The following DIP2B variants were observed in gnomAD, a reference collection of about 807,000 sequenced individuals.
The protein encoded by DIP2B is disco-interacting protein 2 homolog B.
DIP2B carries 76 observed loss-of-function variants against 198.0 expected under a neutral mutation model. The observed-to-expected ratio is 0.38, with a 90% CI of 0.32 to 0.46. DIP2B has a LOEUF of 0.46. DIP2B is among the 20% of genes least tolerant of loss of function. DIP2B has a pLI of 0.99. For synonymous variants in DIP2B, 701 were observed against 739.1 expected, an observed-to-expected ratio of 0.95 and a Z score of 0.84; for missense variants, 1,559 against 1,978.4, an observed-to-expected ratio of 0.79 and a Z score of 4.02.
chr12:50,646,431 A>G (rs1185717700), intron 3 of DIP2B, among the ~76,000 whole-genome samples: 1 of 148,314 alleles, frequency 6.7e-6, no homozygotes, highest in East Asian at 2.0e-4. Flanking sequence ...TATTATTATT[A>G]TTATTTTTGA....
intron 2 of DIP2B, among the ~76,000 whole-genome samples, chr12:50,632,069 A>T (rs1166164711): frequency 6.6e-6 from 1 of 151,324 alleles, no homozygotes; most frequent in Non-Finnish European, 1.5e-5. Flanking sequence ...AGCTCAAGTG[A>T]TCCTCCCGCC....
chr12:50,606,388 C>T (rs1052601584), intron 1 of DIP2B, among the ~76,000 whole-genome samples: 3 of 152,234 alleles, frequency 2.0e-5, no homozygotes, highest in East Asian at 1.9e-4. Context: ...TCCCAAAGTG[C>T]TAGGATTACC....
chr12:50,546,024 A>T (rs7487429), intron 1 of DIP2B, among the ~76,000 whole-genome samples: 48,611 of 152,156 alleles, frequency 0.32, 7,950 homozygotes, highest in South Asian at 0.39. Flanking sequence ...TTCTGTGGAA[A>T]TGAGTACAAC....
In DIP2B at chr12:50,723,300, C is replaced by T. The variant is rs771891739; in HGVS notation, c.3265C>T (p.Pro1089Ser). The change falls in exon 27 of 38, where the codon CCC (proline) becomes TCC (serine). Residue 1089 changes from proline (P) to serine (S), a missense_variant. Transcript: ENST00000301180. ...PHAQNLTATL[P>S]TVRMIVDVSK... ...TGCTCAGAACCTCACGGCCACGCTG[C>T]CCACTGTCCGAATGATTGTTGATGT... 2.5e-6 allele frequency: 4 copies of T among 1,614,158 alleles called. No individual in the cohort carries two copies. The highest frequency in any genetic ancestry group is 2.7e-5 in the African/African-American group (2 of 75,034).
chr12:50,585,506 G>A (rs1326927632), intron 1 of DIP2B, among the ~76,000 whole-genome samples: 1 of 152,164 alleles, frequency 6.6e-6, no homozygotes, highest in Admixed American at 6.5e-5. Flanking sequence ...TGAATGTTGG[G>A]GGGAAGAGTG....
intron 1 of DIP2B, among the ~76,000 whole-genome samples, chr12:50,620,677 T>C (rs927077502): frequency 6.6e-6 from 1 of 152,264 alleles, no homozygotes; most frequent in African/African-American, 2.4e-5. Context: ...TATGCCATTT[T>C]AATGCAAATT....
chr12:50,711,014 C>T (rs559735630), intron 22 of DIP2B, among the ~76,000 whole-genome samples: 66 of 152,266 alleles, frequency 4.3e-4, no homozygotes, highest in Non-Finnish European at 7.8e-4. Context: ...TGGTGAATTA[C>T]GTATTTTCTT....
chr12:50,521,491 T>TTC (rs1444771313), intron 1 of DIP2B, among the ~76,000 whole-genome samples: 30 of 66,252 alleles, frequency 4.5e-4, no homozygotes, highest in African/African-American at 1.4e-3. Flanking sequence ...GTTTCTTTCT[T>TTC]TTTTTTTTTT....
chr12:50,656,619 G>T (rs1385416182), intron 3 of DIP2B, among the ~76,000 whole-genome samples: 1 of 151,976 alleles, frequency 6.6e-6, no homozygotes, highest in African/African-American at 2.4e-5. Context: ...TCACCCAGGC[G>T]GGAGTGCAGT....
intron 1 of DIP2B, among the ~76,000 whole-genome samples, chr12:50,600,089 A>G (rs1189047859): frequency 6.6e-6 from 1 of 152,230 alleles, no homozygotes; most frequent in African/African-American, 2.4e-5. Flanking sequence ...AATCAGAAAG[A>G]ACTATTTTCA....
intron 2 of DIP2B, among the ~76,000 whole-genome samples, chr12:50,635,381 A>G (rs565831777): frequency 2.4e-4 from 36 of 152,200 alleles, no homozygotes; most frequent in Middle Eastern, 6.8e-3. Context: ...TTTTTTAGGG[A>G]TAAATAATAA....
chr12:50,710,144 A>G (rs1467289861), intron 22 of DIP2B, among the ~76,000 whole-genome samples: 1 of 152,178 alleles, frequency 6.6e-6, no homozygotes, highest in Non-Finnish European at 1.5e-5. Flanking sequence ...AATATAAGGC[A>G]AGGCCAAGAC....
rs532049336 is a variant in DIP2B, at chr12:50,626,502, A to G, written c.172+455A>G. Among the ~76,000 whole-genome samples, 6 of 152,366 alleles carry G rather than the reference A, an allele frequency of 3.9e-5. No individual in the cohort carries two copies. In the South Asian group the frequency reaches 6.2e-4, roughly 16 times the overall value. On this transcript the variant is annotated intron_variant, in intron 2 of 37. Transcript: ENST00000301180. ...ATTCAAAGCCAGACTTACTGCTTCT[A>G]TAGAGAGACTAGCACATTGTTTATA...
rs193139530 is a variant in DIP2B at position 50,720,069 on chromosome 12, T to C, written c.3042+1034T>C. Among the ~76,000 whole-genome samples, 24 of 151,406 alleles carry C rather than the reference T, an allele frequency of 1.6e-4. 1 individual carries two copies. Among genetic ancestry groups the C allele is most frequent in the Admixed American group, 1.6e-3 (24 of 15,186 alleles). On this transcript the variant is annotated intron_variant, in intron 25 of 37. Transcript: ENST00000301180. ...CCTCAGCGTCCCGAGTAGCTGGGAT[T>C]ACAGGTGCCCACCACCAGGCCCAGC...
At position 50,698,413 on chromosome 12, in the gene DIP2B, G is replaced by A; in HGVS notation, c.2134G>A (p.Glu712Lys). The change falls in exon 18 of 38, where the codon GAA (glutamate) becomes AAA (lysine). Residue 712 changes from glutamate (E) to lysine (K), a missense_variant. Glu to Lys is a moderately conservative substitution (Grantham distance 56). Coordinates refer to ENST00000301180, the MANE Select transcript of DIP2B (RefSeq NM_173602.3). ...LSYGVIRVNTEDKNSALTVQD... is the reference protein window; with the variant it reads ...LSYGVIRVNTKDKNSALTVQD... ...CTATGGGGTAATACGGGTCAATACT[G>A]AAGATAAAAATTCAGCACTGACGGT... 2 of 1,613,912 alleles carry A rather than the reference G, an allele frequency of 1.2e-6. No individual in the cohort carries two copies. Among genetic ancestry groups the A allele is most frequent in the African/African-American group, 1.3e-5 (1 of 75,020 alleles).
At chr12:50,515,932 C>G (rs935664724) in intron 1 of DIP2B, among the ~76,000 whole-genome samples, 2 of 152,082 alleles carry the variant, frequency 1.3e-5, no homozygotes, top group Admixed American at 1.3e-4. Context: ...CTTACTATCT[C>G]CATCCATTTC....
At chr12:50,574,276 G>A (rs1182605055) in intron 1 of DIP2B, among the ~76,000 whole-genome samples, 1 of 152,044 alleles carries the variant, frequency 6.6e-6, no homozygotes, top group Admixed American at 6.6e-5. Context: ...ATTTAGAAAG[G>A]CCAATAAATA....
chr12:50,592,159 G>A (rs942819509), intron 1 of DIP2B, among the ~76,000 whole-genome samples: 3 of 151,924 alleles, frequency 2.0e-5, no homozygotes, highest in Admixed American at 6.6e-5. Context: ...GATGACAGGC[G>A]TGAGCCACTG....
chr12:50,596,390 C>T (rs540518226), intron 1 of DIP2B, among the ~76,000 whole-genome samples: 33 of 152,158 alleles, frequency 2.2e-4, no homozygotes, highest in Non-Finnish European at 3.8e-4. Flanking sequence ...TCGTTAATAT[C>T]CATAGCCAGT....
Sources: gnomAD v4.1 joint callset for allele counts (sites outside exome capture counted in the v4.1 genomes callset) on GRCh38, gnomAD v4.1.1 for gene constraint, MANE v1.5 for transcripts, NCBI Gene and HGNC (gene_info 2026-07-23, HGNC 2026-07-21) for gene names.